Variants in BAZ2B observed in about 807,000 individuals in gnomAD.
BAZ2B encodes bromodomain adjacent to zinc finger domain 2B.
BAZ2B carries 91 observed loss-of-function variants against 246.0 expected under a neutral mutation model. That is an observed-to-expected ratio of 0.37 (90% CI 0.31 to 0.44). The LOEUF is 0.44. Among genes scored for constraint, BAZ2B ranks in the 20% least tolerant of loss-of-function variants. BAZ2B has a pLI of 1.00. For missense variants in BAZ2B, 2,332 were observed against 2,533.7 expected, an observed-to-expected ratio of 0.92 and a Z score of 1.71; for synonymous variants, 855 against 860.0, an observed-to-expected ratio of 0.99 and a Z score of 0.10.
chr2:159,672,239 A>G, the BAZ2B span, among the ~76,000 whole-genome samples: 2 of 152,240 alleles, frequency 1.3e-5, no homozygotes, highest in Non-Finnish European at 2.9e-5. Flanking sequence ...TATGGTACAC[A>G]TTTCAAAAAT....
chr2:159,627,793 A>G, the BAZ2B span, among the ~76,000 whole-genome samples: 1 of 152,200 alleles, frequency 6.6e-6, no homozygotes, highest in Non-Finnish European at 1.5e-5. Context: ...TCTCCTGTTC[A>G]ACATAGTATT....
At chr2:159,349,446 C>T (rs1338426405) in intron 28 of BAZ2B, among the ~76,000 whole-genome samples, 166 bp from the exon 29 acceptor site, 1 of 152,154 alleles carries the variant, frequency 6.6e-6, no homozygotes, top group Non-Finnish European at 1.5e-5. Flanking sequence ...ATTCCATGTT[C>T]TTATTTGTTT....
At chr2:159,486,045 T>C (rs959488837) in intron 2 of BAZ2B, among the ~76,000 whole-genome samples, 1 of 151,968 alleles carries the variant, frequency 6.6e-6, no homozygotes, top group Non-Finnish European at 1.5e-5. Flanking sequence ...TCCTAAGACT[T>C]ATGAAAAAGA....
intron 27 of BAZ2B, among the ~76,000 whole-genome samples, chr2:159,363,685 A>G (rs549535576): frequency 6.6e-6 from 1 of 152,228 alleles, no homozygotes; most frequent in Non-Finnish European, 1.5e-5. Context: ...AACAGAAGGA[A>G]TGATAAGACA....
At position 159,451,412 on chromosome 2, in the gene BAZ2B, A is replaced by C. The variant is rs1027439424; in HGVS notation, c.334+2201T>G. Among the ~76,000 whole-genome samples, 3 of 152,322 alleles carry C rather than the reference A, an allele frequency of 2.0e-5. No individual in the cohort carries two copies. In the East Asian group the frequency reaches 5.8e-4, roughly 29 times the overall value. On this transcript the variant is annotated intron_variant, in intron 4 of 36. Coordinates refer to ENST00000392783, the MANE Select transcript of BAZ2B (RefSeq NM_013450.4). ...CCTCATTTATTTACTGGGCAATTTA[A>C]AAGTCTGGCAATTTGGTTACCCTTC...
intron 27 of BAZ2B, among the ~76,000 whole-genome samples, chr2:159,358,953 G>A (rs921240980): frequency 2.0e-5 from 3 of 149,764 alleles, no homozygotes; most frequent in African/African-American, 7.3e-5. Flanking sequence ...CTGGGACACA[G>A]CCAGAGATTT....
At chr2:159,518,402 C>CCAGTT (rs2083669747) in intron 2 of BAZ2B, among the ~76,000 whole-genome samples, 1 of 152,140 alleles carries the variant, frequency 6.6e-6, no homozygotes. Flanking sequence ...TCCTCTGAGG[C>CCAGTT]ATTCTTTAAC....
intron 2 of BAZ2B, among the ~76,000 whole-genome samples, chr2:159,501,158 A>ATATATATTTATATAT (rs1553680908): frequency 0.01 from 74 of 7,072 alleles, no homozygotes; most frequent in Non-Finnish European, 0.033. Context: ...TAATATATAT[A>ATATATATTTATATAT]AATATATAAT....
intron 27 of BAZ2B, among the ~76,000 whole-genome samples, chr2:159,363,816 C>T (rs1341003714): frequency 6.6e-6 from 1 of 152,112 alleles, no homozygotes; most frequent in Non-Finnish European, 1.5e-5. Context: ...GAATAGTTTA[C>T]AGACTTGAAT....
At chr2:159,397,130 A>G in intron 19 of BAZ2B, 6 of 1,474,462 alleles carry the variant, frequency 4.1e-6, no homozygotes, top group East Asian at 2.8e-5. Flanking sequence ...CAACATTATG[A>G]AACAGAAATC....
At chr2:159,331,294 G>A (rs59241913) in intron 34 of BAZ2B, among the ~76,000 whole-genome samples, 3,714 of 152,284 alleles carry the variant, frequency 0.024, 155 homozygotes, top group African/African-American at 0.085. Context: ...ATGACAATAA[G>A]TTGAGAATGA....
intron 13 of BAZ2B, chr2:159,419,862 C>A (rs569833439): frequency 6.6e-6 from 1 of 152,190 alleles, no homozygotes; most frequent in African/African-American, 2.4e-5. Flanking sequence ...TTCGTGCCCA[C>A]GGCTATGTTG....
At chr2:159,499,174 C>T (rs1410359902) in intron 2 of BAZ2B, among the ~76,000 whole-genome samples, 2 of 152,142 alleles carry the variant, frequency 1.3e-5, no homozygotes, top group Non-Finnish European at 1.5e-5. Context: ...TCTCTCTCAC[C>T]CCCGTCCCCG....
At chr2:159,517,587 G>A (rs59797979) in intron 2 of BAZ2B, among the ~76,000 whole-genome samples, 314 of 152,076 alleles carry the variant, frequency 2.1e-3, no homozygotes, top group African/African-American at 7.2e-3. Context: ...TTAAGAGCCC[G>A]TTACAACAAT....
chr2:159,339,313 C>T (rs1206415998), intron 31 of BAZ2B, among the ~76,000 whole-genome samples: 4 of 152,018 alleles, frequency 2.6e-5, no homozygotes, highest in African/African-American at 4.8e-5. Context: ...TGAGATAGTT[C>T]CTGTGGCAAG....
rs1287442418 is a variant in BAZ2B, at chr2:159,389,488, T to C, written c.3076-3A>G. 6.3e-7 allele frequency: 1 copy of C among 1,595,440 alleles called. No individual in the cohort carries two copies. The highest frequency in any genetic ancestry group is 8.5e-7 in the Non-Finnish European group (1 of 1,172,226). On this transcript the variant is annotated splice_region_variant and splice_polypyrimidine_tract_variant and intron_variant, in intron 20 of 36. Transcript: ENST00000392783. ...TCTTGTTTCAACCGCTCTTTTTCCT[T>C]AAAAAGAAAACCATGTACACATATT...
At chr2:159,502,289 G>T (rs1478895336) in intron 2 of BAZ2B, among the ~76,000 whole-genome samples, 1 of 151,470 alleles carries the variant, frequency 6.6e-6, no homozygotes, top group East Asian at 1.9e-4. Context: ...TACTTTAAAT[G>T]GACAAATTGT....
the BAZ2B span, among the ~76,000 whole-genome samples, chr2:159,653,197 C>T: frequency 6.6e-6 from 1 of 152,194 alleles, no homozygotes; most frequent in Non-Finnish European, 1.5e-5. Flanking sequence ...GCCTTGGCCT[C>T]CCAAAGTGCT....
upstream of BAZ2B, among the ~76,000 whole-genome samples, chr2:159,619,680 C>T: frequency 6.6e-6 from 1 of 150,918 alleles, no homozygotes; most frequent in Non-Finnish European, 1.5e-5. Flanking sequence ...AAATGATTTC[C>T]TAGAAATTTT....
Sources: gnomAD v4.1 joint callset for allele counts (sites outside exome capture counted in the v4.1 genomes callset) on GRCh38, gnomAD v4.1.1 for gene constraint, MANE v1.5 for transcripts, NCBI Gene and HGNC (gene_info 2026-07-23, HGNC 2026-07-21) for gene names.